NCAPH2: variants seen among roughly 807,000 people sequenced by gnomAD.
The protein encoded by NCAPH2 is condensin-2 complex subunit H2.
NCAPH2 carries 56 observed loss-of-function variants against 88.6 expected under a neutral mutation model. The observed-to-expected ratio is 0.63, with a 90% CI of 0.51 to 0.79. The LOEUF is 0.79. NCAPH2 is among the 30% of genes least tolerant of loss of function. NCAPH2 has a pLI of 0.00. For missense variants in NCAPH2, 794 were observed against 792.0 expected (o/e 1.00, Z -0.03); for synonymous variants, 378 against 313.6 (o/e 1.21, Z -2.17).
chr22:50,508,537 C>T, intron 1 of NCAPH2, 92 bp downstream of exon 1: 3 of 908,166 alleles, frequency 3.3e-6, no homozygotes, highest in Non-Finnish European at 4.6e-6. Flanking sequence ...GCCCCACCGT[C>T]TCCACGCCTA....
At chr22:50,510,602 A>G (rs1256417916) in intron 1 of NCAPH2, among the ~76,000 whole-genome samples, 2 of 151,134 alleles carry the variant, frequency 1.3e-5, no homozygotes, top group Admixed American at 1.3e-4. Flanking sequence ...TAATTTTTGT[A>G]TTTTTAGTAG....
Position 50,523,906 on chromosome 22 carries a change from G to C in NCAPH2, c.*531G>C. On this transcript the variant is annotated 3_prime_UTR_variant, in exon 20 of 20. Coordinates refer to ENST00000420993, the MANE Select transcript of NCAPH2 (RefSeq NM_152299.4). ...CATGGCTTCAACGTCGTCCCGCTCG[G>C]GGTCCACAGTGATGAAGACAGGCTG... 1.9e-6 allele frequency: 3 copies of C among 1,613,752 alleles called. No homozygotes were observed. Among genetic ancestry groups the C allele is most frequent in the Non-Finnish European group, 2.5e-6 (3 of 1,179,946 alleles).
At position 50,517,473 on chromosome 22, in the gene NCAPH2, C is replaced by G. The variant is rs772938145; in HGVS notation, c.257C>G (p.Ser86Cys). Residue 86 changes from serine (S) to cysteine (C), a missense_variant, in exon 3 of 20, where the codon TCT becomes TGT. By Grantham distance (112) the Ser-to-Cys change is moderately radical. This residue lies in a region of NCAPH2 where 735 missense variants were observed against 696.3 expected (regional missense o/e 1.06). Transcript: ENST00000420993. ...GTCTACCAGGCCCTTGATTTCATCT[C>G]TGGAAAGAGGTGAGTTCTGCAGCCA... Reference protein sequence around the residue: ...SLVYQALDFISGKRRAKQLSS... With the variant: ...SLVYQALDFICGKRRAKQLSS... 6.2e-7 allele frequency: 1 copy of G among 1,614,080 alleles called. No homozygotes were observed. The highest frequency in any genetic ancestry group is 8.5e-7 in the Non-Finnish European group (1 of 1,180,036).
Position 50,518,702 on chromosome 22 carries a change from G to C in NCAPH2, c.700G>C (p.Val234Leu), listed in dbSNP as rs372753871. Reference protein sequence around the residue: ...PMEVSVCRSPVPALGFSQEPG... With the variant: ...PMEVSVCRSPLPALGFSQEPG... ...GGAAGTTTCCGTGTGCAGGAGCCCT[G>C]TCCCAGCACTCGGCTTCTCCCAGGA... Residue 234 changes from valine (V) to leucine (L), a missense_variant, in exon 8 of 20, where the codon GTC (valine) becomes CTC (leucine). By Grantham distance (32) the Val-to-Leu change is conservative (BLOSUM62 1). Transcript: ENST00000420993. 8 of 1,608,994 alleles carry C rather than the reference G, an allele frequency of 5.0e-6. No individual in the cohort carries two copies. In the African/African-American group the frequency reaches 1.1e-4, roughly 22 times the overall value.
In NCAPH2 at chr22:50,524,542, A is replaced by AC. The variant is rs1451939490; in HGVS notation, c.*1168dup. The AC allele has an allele frequency of 8.7e-6, 8 of 923,136 alleles. No homozygotes were observed. Among genetic ancestry groups the AC allele is most frequent in the Admixed American group, 8.0e-5 (4 of 50,266 alleles). 57.2% of individuals were successfully genotyped at this position (923,136 alleles called of 1,614,324 possible). ...AGGACCCAGCCCACGTTCAGGCTTA[A>AC]CAGGCATTTGCAGCTGCTCACCTGA... On this transcript the variant is annotated 3_prime_UTR_variant, in exon 20 of 20. Transcript: ENST00000420993.
At chr22:50,521,094 G>GCTGC in intron 10 of NCAPH2, 58 bp downstream of exon 10, 1 of 1,525,352 alleles carries the variant, frequency 6.6e-7, no homozygotes, top group Non-Finnish European at 8.8e-7. Context: ...TCGAGGACTG[G>GCTGC]CTGCCTGCCC....
intron 1 of NCAPH2, among the ~76,000 whole-genome samples, chr22:50,511,047 C>T (rs370023229): frequency 1.5e-4 from 23 of 151,212 alleles, no homozygotes; most frequent in African/African-American, 4.8e-4. Flanking sequence ...GGGGTTTTAC[C>T]GTGTTAGCCA....
chr22:50,514,832 G>T (rs542196612), intron 1 of NCAPH2, among the ~76,000 whole-genome samples: 52 of 152,320 alleles, frequency 3.4e-4, no homozygotes, highest in South Asian at 1.0e-3. Context: ...TGGCTTCCCA[G>T]CCTCTGCCAC....
chr22:50,515,471 A>ACTGCAAGCTCCGCCTCC (rs1221014137), intron 1 of NCAPH2, among the ~76,000 whole-genome samples: 1 of 152,066 alleles, frequency 6.6e-6, no homozygotes, highest in East Asian at 1.9e-4. Context: ...ATCTCGGCTC[A>ACTGCAAGCTCCGCCTCC]CTGCAAGCTC....
rs1161904467 is a variant in NCAPH2 at position 50,516,541 on chromosome 22, G to C, written c.203G>C (p.Ser68Thr). The change falls in exon 2 of 20, where the codon AGT becomes ACT. Residue 68 changes from serine (S) to threonine (T), a missense_variant. Physicochemically the swap from Ser to Thr is moderately conservative, Grantham distance 58. Transcript: ENST00000420993. ...ATCCAGGGCTCTGCCTGCGTCTACA[G>C]TAAGAAGGTGGGCCCTGCTTGACGC... ...LLIQGSACVY[S>T]KKVEYLYSLV... The C allele has an allele frequency of 6.2e-7, 1 of 1,614,092 alleles. No homozygotes were observed. Among genetic ancestry groups the C allele is most frequent in the Non-Finnish European group, 8.5e-7 (1 of 1,179,952 alleles).
chr22:50,518,716 C>T lies in NCAPH2; in HGVS notation c.714C>T (p.Gly238=), dbSNP rs2068998892. The stretch of plus-strand genomic sequence containing the variant: ...GCAGGAGCCCTGTCCCAGCACTCGG[C>T]TTCTCCCAGGAGCCAGGTGAGAAGA... ...SVCRSPVPAL[G]FSQEPGPSPE... is the part of the protein sequence containing the mutation. The change falls in exon 8 of 20, where the codon GGC becomes GGT. Residue 238 remains glycine (G), a synonymous_variant. Transcript: ENST00000420993. The T allele has an allele frequency of 1.2e-6, 2 of 1,606,608 alleles. No homozygotes were observed. The highest frequency in any genetic ancestry group is 2.2e-5 in the South Asian group (2 of 89,490).
At chr22:50,517,505 G>A (rs756641153) in intron 3 of NCAPH2, 23 bp downstream of exon 3, 2 of 1,613,964 alleles carry the variant, frequency 1.2e-6, no homozygotes, top group South Asian at 1.1e-5. Flanking sequence ...GCCACTCACT[G>A]TGCTGCCCTG....
At chr22:50,515,786 A>T in intron 1 of NCAPH2, 1 of 1,300,796 alleles carries the variant, frequency 7.7e-7, no homozygotes, top group Non-Finnish European at 1.0e-6. Flanking sequence ...TAAAGTATGG[A>T]AGTAAAGTGT....
In NCAPH2 at chr22:50,515,669, T is replaced by G. The variant is rs939356361; in HGVS notation, c.109-778T>G. Reference sequence around the variant, plus strand: ...CCTCGGCCTCCCAAAGTGCTGGGATTACAGGTGTGAGCCACCGCACCCGGC... The same window carrying G: ...CCTCGGCCTCCCAAAGTGCTGGGATGACAGGTGTGAGCCACCGCACCCGGC... On this transcript the variant is annotated intron_variant, in intron 1 of 19. Transcript: ENST00000420993. 45 of 1,258,674 alleles carry G rather than the reference T, an allele frequency of 3.6e-5. No homozygotes were observed. In the African/African-American group the frequency reaches 5.7e-4, roughly 16 times the overall value. 78.0% of individuals were successfully genotyped at this position (1,258,674 alleles called of 1,614,324 possible).
At chr22:50,518,805 C>A in intron 8 of NCAPH2, 73 bp downstream of exon 8, 1 of 1,421,452 alleles carries the variant, frequency 7.0e-7, no homozygotes, top group Non-Finnish European at 9.6e-7. Context: ...ACCCAGTGGA[C>A]AGGGCTCCAA....
At chr22:50,515,108 A>G (rs1041115708) in intron 1 of NCAPH2, among the ~76,000 whole-genome samples, 2 of 152,238 alleles carry the variant, frequency 1.3e-5, no homozygotes, top group African/African-American at 4.8e-5. Flanking sequence ...CTGCTCACAC[A>G]GTTCACTAAG....
Position 50,524,207 on chromosome 22 carries a change from C to T in NCAPH2, c.*832C>T, listed in dbSNP as rs1225317534. ...GCCAGCCAGGCCCCACCGAGTCCAG[C>T]CCCGAACAGGCCTGTGATCAGCAGC... On this transcript the variant is annotated 3_prime_UTR_variant, in exon 20 of 20. Coordinates refer to ENST00000420993, the MANE Select transcript of NCAPH2 (RefSeq NM_152299.4). 6.2e-7 allele frequency: 1 copy of T among 1,608,434 alleles called. No individual in the cohort carries two copies. The highest frequency in any genetic ancestry group is 8.5e-7 in the Non-Finnish European group (1 of 1,179,926).
rs1478330729 is a variant in NCAPH2 at position 50,524,488 on chromosome 22, C to T, written c.*1113C>T. The T allele has an allele frequency of 3.3e-6, 5 of 1,492,858 alleles. No homozygotes were observed. Among genetic ancestry groups the T allele is most frequent in the Non-Finnish European group, 3.7e-6 (4 of 1,084,162 alleles). 92.5% of individuals were successfully genotyped at this position (1,492,858 alleles called of 1,614,324 possible). A position where few individuals can be genotyped will look rare whatever the true frequency, so the allele number is the denominator to read the frequency against. The stretch of plus-strand genomic sequence containing the variant: ...GCCCAGGACAGTGCCTGGGCTGCCC[C>T]TGCGACTTGAGACCAGCCACCCATC... On this transcript the variant is annotated 3_prime_UTR_variant, in exon 20 of 20. Coordinates refer to ENST00000420993, the MANE Select transcript of NCAPH2 (RefSeq NM_152299.4).
Position 50,524,186 on chromosome 22 carries a change from G to C in NCAPH2, c.*811G>C. 1 of 1,609,252 alleles carries C rather than the reference G, an allele frequency of 6.2e-7. No homozygotes were observed. The highest frequency in any genetic ancestry group is 8.5e-7 in the Non-Finnish European group (1 of 1,179,926). ...CTCTCCTTCTCAGCCCTCAGGGCCA[G>C]CCAGGCCCCACCGAGTCCAGCCCCG... On this transcript the variant is annotated 3_prime_UTR_variant, in exon 20 of 20. Coordinates refer to ENST00000420993, the MANE Select transcript of NCAPH2 (RefSeq NM_152299.4).
Sources: gnomAD v4.1 joint callset for allele counts (sites outside exome capture counted in the v4.1 genomes callset) on GRCh38, gnomAD v4.1.1 for gene constraint, gnomAD v4.1.1 regional missense constraint, MANE v1.5 for transcripts, NCBI Gene and HGNC (gene_info 2026-07-23, HGNC 2026-07-21) for gene names.